TBX21: variants seen among roughly 807,000 people sequenced by gnomAD.
TBX21 encodes T-box transcription factor TBX21.
In TBX21, 11 loss-of-function variants were observed where a neutral mutation model predicts 52.2. The observed-to-expected ratio is 0.21, with a 90% CI of 0.13 to 0.35. TBX21 has a LOEUF of 0.35. Ranked by LOEUF, TBX21 falls within the 10% of genes least tolerant of loss-of-function variation. TBX21 has a pLI of 1.00. For missense variants in TBX21, 625 were observed against 755.1 expected (o/e 0.83, Z 2.02); for synonymous variants, 300 against 316.1 (o/e 0.95, Z 0.54).
chr17:47,743,203 C>A lies in TBX21; in HGVS notation c.768+11C>A, dbSNP rs1310295963. 2 of 1,613,782 alleles carry A rather than the reference C, an allele frequency of 1.2e-6. No individual in the cohort carries two copies. The highest frequency in any genetic ancestry group is 2.2e-5 in the South Asian group (2 of 91,006). On this transcript the variant is annotated intron_variant, in intron 3 of 5. Transcript: ENST00000177694. ...AACAATGTGACCCAGGTAGGACCTG[C>A]TCTTCAAAAGGTAGCCTCGCCCTGC...
intron 1 of TBX21, among the ~76,000 whole-genome samples, chr17:47,739,413 C>T (rs1469552522): frequency 6.6e-6 from 1 of 151,080 alleles, no homozygotes; most frequent in Non-Finnish European, 1.5e-5. Context: ...ATTGCCTGTG[C>T]CCAGGCATTT....
At chr17:47,744,141 G>C in intron 3 of TBX21, 54 bp from the exon 4 acceptor site, 1 of 1,589,806 alleles carries the variant, frequency 6.3e-7, no homozygotes, top group Non-Finnish European at 8.6e-7. Flanking sequence ...GGGGGTGATG[G>C]GATCCTCGAA....
intron 1 of TBX21, 124 bp downstream of exon 1, chr17:47,734,069 G>A: frequency 6.7e-7 from 1 of 1,487,498 alleles, no homozygotes; most frequent in Non-Finnish European, 9.2e-7. Context: ...CTTCAGCGTA[G>A]GGAGACAGGG....
rs1230267173 is a variant in TBX21, at chr17:47,742,341, C to G, written c.492-269C>G. ...AGGTGATCCGCCCGCCTTGGCCTCT[C>G]AAAGTGCTGGGATTACAGGCATGAG... On this transcript the variant is annotated intron_variant, in intron 1 of 5. Transcript: ENST00000177694. The surrounding 1 kb of genome is among the most constrained non-coding windows in gnomAD (Gnocchi z 4.4). 2.0e-5 allele frequency among the ~76,000 whole-genome samples: 3 copies of G among 152,322 alleles called. No homozygotes were observed. The highest frequency in any genetic ancestry group is 3.9e-4 in the East Asian group (2 of 5,182).
rs1426547374 is a variant in TBX21 at position 47,733,616 on chromosome 17, G to A, written c.162G>A (p.Leu54=). ...DADERRGGGS[L]GSPYPGGALV... is the part of the protein sequence containing the mutation. ...ACGAGCGTCGCGGGGGCGGCAGCCT[G>A]GGGTCTCCCTACCCGGGGGGCGCCT... Residue 54 remains leucine (L), a synonymous_variant, in exon 1 of 6, where the codon CTG becomes CTA. Transcript: ENST00000177694. This position sits in a 1 kb window ranked among gnomAD's most constrained non-coding sequence, Gnocchi z 6.6. The A allele has an allele frequency of 2.1e-6, 3 of 1,454,372 alleles. No individual in the cohort carries two copies. Among genetic ancestry groups the A allele is most frequent in the Non-Finnish European group, 2.7e-6 (3 of 1,110,180 alleles). 90.1% of individuals were successfully genotyped at this position (1,454,372 alleles called of 1,614,324 possible). A position where few individuals can be genotyped will look rare whatever the true frequency, so the allele number is the denominator to read the frequency against.
rs541941249 is a variant in TBX21 at position 47,743,395 on chromosome 17, G to A, written c.768+203G>A. On this transcript the variant is annotated intron_variant, in intron 3 of 5. Transcript: ENST00000177694. ...TCTGGCTGTTTCTCACCCACCTTGGGAGGAAGATGAGATGGGATGAAGCTG... is the reference window on the plus strand; with the variant it reads ...TCTGGCTGTTTCTCACCCACCTTGGAAGGAAGATGAGATGGGATGAAGCTG... Among the ~76,000 whole-genome samples the A allele has an allele frequency of 1.4e-3, 219 of 152,280 alleles. 1 individual carries two copies. The highest frequency in any genetic ancestry group is 3.9e-3 in the Admixed American group (59 of 15,290).
At chr17:47,737,085 TGA>T (rs2032215137) in intron 1 of TBX21, among the ~76,000 whole-genome samples, 2 of 152,080 alleles carry the variant, frequency 1.3e-5, no homozygotes, top group South Asian at 4.1e-4. Context: ...CAGATGGGGC[TGA>T]GAGAGGGGAA....
At chr17:47,737,568 A>T (rs544791515) in intron 1 of TBX21, among the ~76,000 whole-genome samples, 5 of 151,424 alleles carry the variant, frequency 3.3e-5, no homozygotes, top group Non-Finnish European at 5.9e-5. Flanking sequence ...AATATTTTTC[A>T]TGGGCCAGGA....
chr17:47,742,821 G>T lies in TBX21; in HGVS notation c.646+57G>T. The T allele has an allele frequency of 1.3e-6, 2 of 1,515,046 alleles. No homozygotes were observed. The highest frequency in any genetic ancestry group is 1.2e-5 in the South Asian group (1 of 81,192). 93.9% of individuals were successfully genotyped at this position (1,515,046 alleles called of 1,614,324 possible). A position where few individuals can be genotyped will look rare whatever the true frequency, so the allele number is the denominator to read the frequency against. On this transcript the variant is annotated intron_variant, in intron 2 of 5. Transcript: ENST00000177694. The surrounding 1 kb of genome is among the most constrained non-coding windows in gnomAD (Gnocchi z 4.4). ...TTTCGCTGGGACTGGGCGCCCCCTGGTGGGCCCACCAAGCCCCTACCCCTA... is the reference window on the plus strand; with the variant it reads ...TTTCGCTGGGACTGGGCGCCCCCTGTTGGGCCCACCAAGCCCCTACCCCTA...
Position 47,733,857 on chromosome 17 carries a change from G to A in TBX21, c.403G>A (p.Gly135Arg). The change falls in exon 1 of 6, where the codon GGG becomes AGG. Residue 135 changes from glycine to arginine, a missense_variant. By Grantham distance (125) the Gly-to-Arg change is moderately radical. Coordinates refer to ENST00000177694, the MANE Select transcript of TBX21 (RefSeq NM_013351.2). The surrounding 1 kb of genome is among the most constrained non-coding windows in gnomAD (Gnocchi z 6.6). ...YALPAGLEVS[G>R]KLRVALNNHL... ...GCTACCCGCGGGACTGGAGGTGTCG[G>A]GGAAACTGAGGGTCGCGCTCAACAA... 1 of 1,612,524 alleles carries A rather than the reference G, an allele frequency of 6.2e-7. No homozygotes were observed. The highest frequency in any genetic ancestry group is 8.5e-7 in the Non-Finnish European group (1 of 1,179,618).
At position 47,744,500 on chromosome 17, in the gene TBX21, G is replaced by T. The variant is rs1292283769; in HGVS notation, c.946G>T (p.Asp316Tyr). The T allele has an allele frequency of 6.2e-7, 1 of 1,614,168 alleles. No individual in the cohort carries two copies. Among genetic ancestry groups the T allele is most frequent in the Non-Finnish European group, 8.5e-7 (1 of 1,180,032 alleles). The change falls in exon 5 of 6, where the codon GAT becomes TAT. Residue 316 changes from aspartate to tyrosine, a missense_variant. This residue lies in a region of TBX21 where 142 missense variants were observed against 258.5 expected (regional missense o/e 0.55). Transcript: ENST00000177694. Reference sequence around the variant, plus strand: ...TCTCTAGATTACTCAGCTGAAAATTGATAATAACCCCTTTGCCAAAGGATT... The same window carrying T: ...TCTCTAGATTACTCAGCTGAAAATTTATAATAACCCCTTTGCCAAAGGATT... The part of the protein sequence containing the change: ...QNAEITQLKI[D>Y]NNPFAKGFRE...
intron 1 of TBX21, among the ~76,000 whole-genome samples, chr17:47,736,567 T>G (rs934939043): frequency 6.6e-6 from 1 of 152,146 alleles, no homozygotes; most frequent in Non-Finnish European, 1.5e-5. Context: ...GGCTCTTCAC[T>G]GTTTCTTTTG....
At position 47,744,511 on chromosome 17, in the gene TBX21, C is replaced by T; in HGVS notation, c.957C>T (p.Pro319=). 6.2e-7 allele frequency: 1 copy of T among 1,614,154 alleles called. No individual in the cohort carries two copies. The highest frequency in any genetic ancestry group is 1.6e-4 in the Middle Eastern group (1 of 6,062). Residue 319 remains proline, a synonymous_variant, in exon 5 of 6, where the codon CCC becomes CCT. Transcript: ENST00000177694. The part of the protein sequence containing the change: ...EITQLKIDNN[P]FAKGFRENFE... ...CTCAGCTGAAAATTGATAATAACCCCTTTGCCAAAGGATTCCGGGAGAACT... is the reference window on the plus strand; with the variant it reads ...CTCAGCTGAAAATTGATAATAACCCTTTTGCCAAAGGATTCCGGGAGAACT...
intron 3 of TBX21, among the ~76,000 whole-genome samples, chr17:47,743,758 T>C (rs996739325): frequency 3.3e-5 from 5 of 151,376 alleles, no homozygotes; most frequent in Non-Finnish European, 7.4e-5. Flanking sequence ...CGGGTGCCTG[T>C]AATCCCAGCT....
At chr17:47,737,525 C>T (rs1281290697) in intron 1 of TBX21, among the ~76,000 whole-genome samples, 1 of 152,098 alleles carries the variant, frequency 6.6e-6, no homozygotes, top group Non-Finnish European at 1.5e-5. Flanking sequence ...TCTCCACTTT[C>T]CCAACTCCAA....
intron 1 of TBX21, among the ~76,000 whole-genome samples, chr17:47,736,095 A>G (rs2032204252): frequency 6.6e-6 from 1 of 152,178 alleles, no homozygotes; most frequent in Non-Finnish European, 1.5e-5. Context: ...CTCTACTCCC[A>G]TGGCCTCCTT....
At chr17:47,744,650 A>G in intron 5 of TBX21, 98 bp from the exon 6 acceptor site, 1 of 1,601,776 alleles carries the variant, frequency 6.2e-7, no homozygotes, top group South Asian at 1.1e-5. Flanking sequence ...TGGGCAGGCC[A>G]GGGAAGGAGG....
At chr17:47,734,552 CTGGTGT>C (rs1291442230) in intron 1 of TBX21, among the ~76,000 whole-genome samples, 1 of 114,288 alleles carries the variant, frequency 8.7e-6, no homozygotes, top group African/African-American at 3.4e-5. Flanking sequence ...GATCATATGT[CTGGTGT>C]GTGTGTGTGT....
Position 47,733,584 on chromosome 17 carries a change from G to T in TBX21, c.130G>T (p.Asp44Tyr). ...RYFYPEPGAQ[D>Y]ADERRGGGSL... Reference sequence around the variant, plus strand: ...CTTCTACCCGGAGCCGGGCGCGCAGGACGCGGACGAGCGTCGCGGGGGCGG... The same window carrying T: ...CTTCTACCCGGAGCCGGGCGCGCAGTACGCGGACGAGCGTCGCGGGGGCGG... The change falls in exon 1 of 6, where the codon GAC (aspartate) becomes TAC (tyrosine). Residue 44 changes from aspartate (D) to tyrosine (Y), a missense_variant. Physicochemically the swap from Asp to Tyr is radical, Grantham distance 160. This residue lies in a region of TBX21 where 221 missense variants were observed against 204.9 expected (regional missense o/e 1.08). Coordinates refer to ENST00000177694, the MANE Select transcript of TBX21 (RefSeq NM_013351.2). The surrounding 1 kb of genome is among the most constrained non-coding windows in gnomAD (Gnocchi z 6.6). The T allele has an allele frequency of 6.8e-7, 1 of 1,461,332 alleles. No individual in the cohort carries two copies. Among genetic ancestry groups the T allele is most frequent in the Non-Finnish European group, 9.0e-7 (1 of 1,114,882 alleles). 90.5% of individuals were successfully genotyped at this position (1,461,332 alleles called of 1,614,324 possible). A position where few individuals can be genotyped will look rare whatever the true frequency, so the allele number is the denominator to read the frequency against.
Sources: allele counts gnomAD v4.1 joint callset (sites outside exome capture counted in the v4.1 genomes callset), GRCh38; gene constraint gnomAD v4.1.1; regional missense constraint gnomAD v4.1.1; non-coding constraint Gnocchi (gnomAD v3.1); transcripts MANE v1.5; gene names NCBI Gene and HGNC (gene_info 2026-07-23, HGNC 2026-07-21).